The following CSMD1 variants were observed in gnomAD, a reference collection of about 807,000 sequenced individuals.
The protein encoded by CSMD1 is CUB and Sushi multiple domains 1, also known as CUB and sushi domain-containing protein 1.
A neutral mutation model predicts 417.5 loss-of-function variants in CSMD1; 213 were observed. The observed-to-expected ratio is 0.51, with a 90% CI of 0.46 to 0.57. CSMD1 has a LOEUF of 0.57. CSMD1 is among the 20% of genes least tolerant of loss of function. The pLI is 0.00. For synonymous variants in CSMD1, 2,862 were observed against 1,736.8 expected, an observed-to-expected ratio of 1.65 and a Z score of -16.11; for missense variants, 6,923 against 4,529.7, an observed-to-expected ratio of 1.53 and a Z score of -15.17.
chr8:4,324,583 C>A (rs1410192070), intron 3 of CSMD1, among the ~76,000 whole-genome samples: 2 of 152,156 alleles, frequency 1.3e-5, no homozygotes, highest in African/African-American at 4.8e-5. Flanking sequence ...GACTGATAAA[C>A]CTACTAGGAA....
intron 62 of CSMD1, among the ~76,000 whole-genome samples, chr8:2,959,803 GT>G (rs1256627496): frequency 6.6e-6 from 1 of 152,156 alleles, no homozygotes; most frequent in African/African-American, 2.4e-5. Context: ...AAACTAAAAT[GT>G]TCCTAATAAA....
At chr8:4,826,846 G>A (rs117507921) in intron 1 of CSMD1, among the ~76,000 whole-genome samples, 1 of 152,090 alleles carries the variant, frequency 6.6e-6, no homozygotes, top group Non-Finnish European at 1.5e-5. Flanking sequence ...TATGTTATTA[G>A]TGCCAGCTGA....
At chr8:3,468,235 T>A (rs377305183) in intron 12 of CSMD1, among the ~76,000 whole-genome samples, 2 of 152,352 alleles carry the variant, frequency 1.3e-5, no homozygotes, top group East Asian at 3.9e-4. Flanking sequence ...CTATCAGTTT[T>A]CTATAACTTG....
At chr8:4,887,844 C>G (rs1447259522) in intron 1 of CSMD1, among the ~76,000 whole-genome samples, 3 of 151,932 alleles carry the variant, frequency 2.0e-5, no homozygotes, top group Non-Finnish European at 4.4e-5. Flanking sequence ...GTTCGTACAG[C>G]CACTCCAGCT....
chr8:4,382,584 A>G (rs533263676), intron 3 of CSMD1, among the ~76,000 whole-genome samples: 44 of 152,370 alleles, frequency 2.9e-4, no homozygotes, highest in Admixed American at 6.5e-4. Context: ...AGGAAAGTTA[A>G]AAGACTTGAG....
Position 4,528,998 on chromosome 8 carries a change from G to A in CSMD1, c.302+108344C>T, listed in dbSNP as rs183150648. Among the ~76,000 whole-genome samples, 35 of 152,234 alleles carry A rather than the reference G, an allele frequency of 2.3e-4. No homozygotes were observed. The East Asian group carries it at 3.3e-3, about 14-fold the overall frequency. On this transcript the variant is annotated intron_variant, in intron 2 of 69. Coordinates refer to ENST00000635120, the MANE Select transcript of CSMD1 (RefSeq NM_033225.6). ...GTGAGATTTATTAACAAAAGGTGAC[G>A]TTTGTAAAATCATTTTCTTTGTGAT...
At chr8:4,944,900 G>A (rs1251506414) in intron 1 of CSMD1, among the ~76,000 whole-genome samples, 1 of 152,112 alleles carries the variant, frequency 6.6e-6, no homozygotes, top group African/African-American at 2.4e-5. Context: ...ATCCACTTCT[G>A]AGGATATACT....
chr8:4,571,341 G>A (rs1585266587), intron 2 of CSMD1, among the ~76,000 whole-genome samples: 1 of 152,140 alleles, frequency 6.6e-6, no homozygotes, highest in South Asian at 2.1e-4. Flanking sequence ...GGTACATTGT[G>A]TCTTTGTTCT....
At chr8:4,192,019 T>C (rs1391283049) in intron 3 of CSMD1, among the ~76,000 whole-genome samples, 1 of 152,222 alleles carries the variant, frequency 6.6e-6, no homozygotes, top group Non-Finnish European at 1.5e-5. Flanking sequence ...AGCTTCCCGC[T>C]GTTGCCAATT....
chr8:3,766,642 T>C (rs1798285902), intron 5 of CSMD1, among the ~76,000 whole-genome samples: 1 of 152,130 alleles, frequency 6.6e-6, no homozygotes, highest in African/African-American at 2.4e-5. Context: ...GCACAGTCGA[T>C]ACTCAAAGAC....
Position 3,607,887 on chromosome 8 carries a change from T to G in CSMD1, c.1097+8823A>C, listed in dbSNP as rs117376702. Among the ~76,000 whole-genome samples the G allele has an allele frequency of 9.3e-4, 142 of 152,016 alleles. 2 individuals carry two copies. The East Asian group carries it at 0.027, about 29-fold the overall frequency. On this transcript the variant is annotated intron_variant, in intron 8 of 69. Transcript: ENST00000635120. ...GAACATGACTAAGAAGTAAAGGAAGTAGCCAGGCACAGTGGTTCATGCCTG... is the reference window on the plus strand; with the variant it reads ...GAACATGACTAAGAAGTAAAGGAAGGAGCCAGGCACAGTGGTTCATGCCTG...
chr8:3,842,531 C>G (rs1252433509), intron 5 of CSMD1, among the ~76,000 whole-genome samples: 3 of 152,054 alleles, frequency 2.0e-5, no homozygotes, highest in South Asian at 2.1e-4. Context: ...AATTGTAGAT[C>G]TAGGTCAGAA....
At chr8:4,379,351 G>C (rs1193753217) in intron 3 of CSMD1, among the ~76,000 whole-genome samples, 2 of 152,218 alleles carry the variant, frequency 1.3e-5, no homozygotes, top group Non-Finnish European at 2.9e-5. Context: ...GGAGATTCAG[G>C]AGACAGGAGG....
chr8:3,279,115 C>G (rs552732665), intron 26 of CSMD1: 42 of 152,294 alleles, frequency 2.8e-4, no homozygotes, highest in African/African-American at 8.7e-4. Context: ...AGCTGAATGA[C>G]TGGCTTTGGG....
chr8:3,813,752 G>A (rs369239454), intron 5 of CSMD1, among the ~76,000 whole-genome samples: 3 of 152,152 alleles, frequency 2.0e-5, no homozygotes, highest in African/African-American at 7.2e-5. Context: ...GGAGGTATGA[G>A]GGATCAAGAA....
chr8:4,892,421 C>T (rs995935923), intron 1 of CSMD1, among the ~76,000 whole-genome samples: 2 of 152,036 alleles, frequency 1.3e-5, no homozygotes, highest in African/African-American at 4.8e-5. Context: ...TCCTGTGTCC[C>T]TCTACTGCAA....
intron 3 of CSMD1, among the ~76,000 whole-genome samples, chr8:4,213,264 G>A (rs974814304): frequency 5.9e-5 from 9 of 152,132 alleles, no homozygotes; most frequent in African/African-American, 1.9e-4. Context: ...AGCAAGTGAG[G>A]CGGGGTCCTG....
At chr8:4,197,331 T>C (rs559355832) in intron 3 of CSMD1, among the ~76,000 whole-genome samples, 49 of 152,318 alleles carry the variant, frequency 3.2e-4, no homozygotes, top group African/African-American at 1.1e-3. Context: ...GACTTGGCCA[T>C]AGGATGCCCA....
intron 4 of CSMD1, among the ~76,000 whole-genome samples, chr8:4,028,361 A>C (rs1030696395): frequency 6.6e-6 from 1 of 152,144 alleles, no homozygotes; most frequent in African/African-American, 2.4e-5. Flanking sequence ...TAAATTTGCT[A>C]AAGTAGTGCC....
Sources: allele counts gnomAD v4.1 joint callset (sites outside exome capture counted in the v4.1 genomes callset), GRCh38; gene constraint gnomAD v4.1.1; transcripts MANE v1.5; gene names NCBI Gene and HGNC (gene_info 2026-07-23, HGNC 2026-07-21).